Variants in NEFH observed in about 807,000 individuals in gnomAD.
NEFH encodes neurofilament heavy polypeptide.
A neutral mutation model predicts 56.6 loss-of-function variants in NEFH; 58 were observed. The observed-to-expected ratio is 1.03, with a 90% CI of 0.83 to 1.28. The LOEUF is 1.28. Among genes scored for constraint, NEFH ranks in the 50% most tolerant of loss-of-function variants. NEFH has a pLI of 0.00. For synonymous variants in NEFH, 542 were observed against 545.8 expected (o/e 0.99, Z 0.10); for missense variants, 1,221 against 1,307.6 (o/e 0.93, Z 1.02).
At position 29,489,476 on chromosome 22, in the gene NEFH, A is replaced by G. The variant is rs58554387; in HGVS notation, c.1836A>G (p.Ala612=). 1.3e-6 allele frequency: 2 copies of G among 1,598,758 alleles called. No individual in the cohort carries two copies. Among genetic ancestry groups the G allele is most frequent in the South Asian group, 2.2e-5 (2 of 90,064 alleles). ...CCAAGTCCCCAGTGAAGGAAGAAGCAAAGTCACCGGCTGAGGCCAAGTCCC... is the reference window on the plus strand; with the variant it reads ...CCAAGTCCCCAGTGAAGGAAGAAGCGAAGTCACCGGCTGAGGCCAAGTCCC... The part of the protein sequence containing the change: ...EKAKSPVKEE[A]KSPAEAKSPV... Residue 612 remains alanine (A), a synonymous_variant, in exon 4 of 4, where the codon GCA becomes GCG. Coordinates refer to ENST00000310624, the MANE Select transcript of NEFH (RefSeq NM_021076.4).
chr22:29,490,404 C>A lies in NEFH; in HGVS notation c.2764C>A (p.Pro922Thr). 3.1e-6 allele frequency: 5 copies of A among 1,611,720 alleles called. No homozygotes were observed. The highest frequency in any genetic ancestry group is 4.2e-6 in the Non-Finnish European group (5 of 1,179,488). Residue 922 changes from proline (P) to threonine (T), a missense_variant, in exon 4 of 4, where the codon CCC becomes ACC. Pro to Thr is a conservative substitution (Grantham distance 38). Around this residue, in one of 4 missense-constraint regions of NEFH, gnomAD observed 301 missense variants for 346.6 expected, o/e 0.87. Coordinates refer to ENST00000310624, the MANE Select transcript of NEFH (RefSeq NM_021076.4). ...GGTGGAGGTGAAGGAAGACGCTAAA[C>A]CCAAAGAAAAGACAGAGGTAGCCAA... ...AKVEVKEDAKPKEKTEVAKKE... is the reference protein window; with the variant it reads ...AKVEVKEDAKTKEKTEVAKKE...
rs779767043 is a variant in NEFH, at chr22:29,488,914, G to C, written c.1274G>C (p.Gly425Ala). ...CCAATTCCTTTCTCGCTTCCAGAAG[G>C]ACTCCCCAAAATTCCCTCTGTGTCC... is the stretch of plus-strand genomic sequence containing the variant. Reference protein sequence around the residue: ...FGPIPFSLPEGLPKIPSVSTH... With the variant: ...FGPIPFSLPEALPKIPSVSTH... Residue 425 changes from glycine to alanine, a missense_variant, in exon 4 of 4, where the codon GGA becomes GCA. Physicochemically the swap from Gly to Ala is moderately conservative, Grantham distance 60. Coordinates refer to ENST00000310624, the MANE Select transcript of NEFH (RefSeq NM_021076.4). The C allele has an allele frequency of 2.5e-6, 4 of 1,614,046 alleles. No homozygotes were observed. In the Admixed American group the frequency reaches 6.7e-5, roughly 27 times the overall value.
In NEFH at chr22:29,490,124, G is replaced by A. The variant is rs1181826024; in HGVS notation, c.2484G>A (p.Glu828=). 6.2e-7 allele frequency: 1 copy of A among 1,614,014 alleles called. No individual in the cohort carries two copies. Among genetic ancestry groups the A allele is most frequent in the Non-Finnish European group, 8.5e-7 (1 of 1,180,004 alleles). The change falls in exon 4 of 4, where the codon GAG becomes GAA. Residue 828 remains glutamate (E), a synonymous_variant. Transcript: ENST00000310624. ...EEVKSPVKEE[E]KPQEVKVKEP... Reference sequence around the variant, plus strand: ...TGAAGTCCCCAGTGAAGGAGGAGGAGAAGCCCCAGGAGGTGAAAGTCAAAG... The same window carrying A: ...TGAAGTCCCCAGTGAAGGAGGAGGAAAAGCCCCAGGAGGTGAAAGTCAAAG...
In NEFH at chr22:29,480,559, G is replaced by A. The variant is rs7287198; in HGVS notation, c.297G>A (p.Glu99=). 0.012 allele frequency: 18,372 copies of A among 1,542,440 alleles called. 1,802 individuals carry two copies. In the African/African-American group the frequency reaches 0.22, roughly 18 times the overall value. Residue 99 remains glutamate, a synonymous_variant, in exon 1 of 4, where the codon GAG becomes GAA. Transcript: ENST00000310624. ...TGGCCACCTCACGCAGTGAGAAGGA[G>A]CAGCTGCAGGCGCTGAACGACCGCT... ...VAVATSRSEK[E]QLQALNDRFA...
intron 1 of NEFH, among the ~76,000 whole-genome samples, chr22:29,482,105 C>T (rs2063014679): frequency 6.6e-6 from 1 of 152,192 alleles, no homozygotes; most frequent in Non-Finnish European, 1.5e-5. Context: ...AATCTCCAAC[C>T]ACCTGGATGG....
rs1230426496 is a variant in NEFH, at chr22:29,491,175, G to C, written c.*472G>C. 2 of 273,340 alleles carry C rather than the reference G, an allele frequency of 7.3e-6. No individual in the cohort carries two copies. Among genetic ancestry groups the C allele is most frequent in the South Asian group, 8.2e-5 (2 of 24,312 alleles). 16.9% of individuals were successfully genotyped at this position (273,340 alleles called of 1,614,324 possible). On this transcript the variant is annotated 3_prime_UTR_variant, in exon 4 of 4. Coordinates refer to ENST00000310624, the MANE Select transcript of NEFH (RefSeq NM_021076.4). ...TTGCCCAGAGCTCTCTATTCTGGAA[G>C]AGCGGTCCAGGTGGGGCCGGGGACT... is the stretch of plus-strand genomic sequence containing the variant.
intron 1 of NEFH, 113 bp from the exon 2 acceptor site, chr22:29,483,262 G>A (rs1176098439): frequency 7.9e-6 from 8 of 1,014,632 alleles, no homozygotes; most frequent in African/African-American, 1.6e-5. Flanking sequence ...CTGGGCGAGA[G>A]CGAGAATCCG....
At position 29,483,593 on chromosome 22, in the gene NEFH, G is replaced by A. The variant is rs748054775; in HGVS notation, c.1083+19G>A. On this transcript the variant is annotated intron_variant, in intron 2 of 3. Transcript: ENST00000310624. ...CTACCAGGTGGGCAGGGGCAAGGCA[G>A]ACAGCCAGACTGCCTTACCTGATTG... is the stretch of plus-strand genomic sequence containing the variant. 6.2e-7 allele frequency: 1 copy of A among 1,612,258 alleles called. No homozygotes were observed. Among genetic ancestry groups the A allele is most frequent in the Admixed American group, 1.7e-5 (1 of 59,976 alleles).
At chr22:29,487,975 T>C (rs1328928407) in intron 3 of NEFH, among the ~76,000 whole-genome samples, 1 of 152,168 alleles carries the variant, frequency 6.6e-6, no homozygotes, top group Non-Finnish European at 1.5e-5. Context: ...CTCTACCCTA[T>C]TCCTGAAACT....
Position 29,490,824 on chromosome 22 carries a change from G to C in NEFH, c.*121G>C. ...TTATGTAAGAAGAAACTGCTTAGATGACGGGGCCTCCTTCTTCAAACAGGA... is the reference window on the plus strand; with the variant it reads ...TTATGTAAGAAGAAACTGCTTAGATCACGGGGCCTCCTTCTTCAAACAGGA... On this transcript the variant is annotated 3_prime_UTR_variant, in exon 4 of 4. Coordinates refer to ENST00000310624, the MANE Select transcript of NEFH (RefSeq NM_021076.4). 1 of 1,528,622 alleles carries C rather than the reference G, an allele frequency of 6.5e-7. No individual in the cohort carries two copies. The highest frequency in any genetic ancestry group is 8.8e-7 in the Non-Finnish European group (1 of 1,134,424). 94.7% of individuals were successfully genotyped at this position (1,528,622 alleles called of 1,614,324 possible).
rs1361047594 is a variant in NEFH, at chr22:29,481,133, G to T, written c.871G>T (p.Glu291Ter). The change falls in exon 1 of 4, where the codon GAG (glutamate) becomes TAG (stop). Residue 291 changes from glutamate to a stop codon, truncating the protein, a stop_gained. Transcript: ENST00000310624. LOFTEE classifies it high-confidence loss of function. The stretch of plus-strand genomic sequence containing the variant: ...GGTGCAGAGCACGCTGCAGTCCGAG[G>T]AGTGGTTCCGAGGTACGCAGGCGCG... ...HAVQSTLQSE[E>*]WFRVRLDRLS... 1.4e-5 allele frequency: 21 copies of T among 1,532,116 alleles called. No individual in the cohort carries two copies. Among genetic ancestry groups the T allele is most frequent in the East Asian group, 4.9e-5 (2 of 40,820 alleles). 94.9% of individuals were successfully genotyped at this position (1,532,116 alleles called of 1,614,324 possible).
In NEFH at chr22:29,489,541, C is replaced by A; in HGVS notation, c.1901C>A (p.Ser634Tyr). The change falls in exon 4 of 4, where the codon TCC becomes TAC. Residue 634 changes from serine (S) to tyrosine (Y), a missense_variant. Transcript: ENST00000310624. ...EEAKSPAEVK[S>Y]PEKAKSPTKE... is the part of the protein sequence containing the mutation. ...GCAAAATCTCCAGCTGAGGTCAAGT[C>A]CCCGGAAAAGGCCAAGTCTCCAACG... 2 of 1,613,628 alleles carry A rather than the reference C, an allele frequency of 1.2e-6. No individual in the cohort carries two copies. Among genetic ancestry groups the A allele is most frequent in the Non-Finnish European group, 1.7e-6 (2 of 1,179,904 alleles).
At chr22:29,485,625 A>G (rs2063039701) in intron 2 of NEFH, 98 bp from the exon 3 acceptor site, 1 of 1,483,336 alleles carries the variant, frequency 6.7e-7, no homozygotes, top group Non-Finnish European at 9.1e-7. Context: ...GCCTGGCTGG[A>G]TGGGCCTGCT....
intron 1 of NEFH, 112 bp from the exon 2 acceptor site, chr22:29,483,263 C>G (rs1359134672): frequency 4.9e-6 from 5 of 1,018,538 alleles, no homozygotes; most frequent in Non-Finnish European, 5.8e-6. Context: ...TGGGCGAGAG[C>G]GAGAATCCGT....
chr22:29,489,187 C>T lies in NEFH; in HGVS notation c.1547C>T (p.Ala516Val). Residue 516 changes from alanine to valine, a missense_variant, in exon 4 of 4, where the codon GCC becomes GTC. Around this residue, in one of 4 missense-constraint regions of NEFH, gnomAD observed 243 missense variants for 299.1 expected, o/e 0.81. Transcript: ENST00000310624. ...GAGGCTGCATCCCCAGAGAAGGAAG[C>T]CAAGTCACCAGTAAAGGAAGAGGCA... ...AEEAASPEKE[A>V]KSPVKEEAKS... The T allele has an allele frequency of 6.2e-7, 1 of 1,614,026 alleles. No individual in the cohort carries two copies. Among genetic ancestry groups the T allele is most frequent in the Non-Finnish European group, 8.5e-7 (1 of 1,179,978 alleles).
In NEFH at chr22:29,480,344, C is replaced by A. The variant is rs1228579965; in HGVS notation, c.82C>A (p.Leu28Ile). Reference protein sequence around the residue: ...LHGGGSLHYALARKGGAGGTR... With the variant: ...LHGGGSLHYAIARKGGAGGTR... The stretch of plus-strand genomic sequence containing the variant: ...TGGCGGCGGCAGCCTCCACTACGCG[C>A]TAGCCCGAAAGGGTGGCGCAGGCGG... The change falls in exon 1 of 4, where the codon CTA (leucine) becomes ATA (isoleucine). Residue 28 changes from leucine (L) to isoleucine (I), a missense_variant. By Grantham distance (5) the Leu-to-Ile change is conservative. Coordinates refer to ENST00000310624, the MANE Select transcript of NEFH (RefSeq NM_021076.4). The A allele has an allele frequency of 3.3e-6, 5 of 1,529,858 alleles. No individual in the cohort carries two copies. The African/African-American group carries it at 5.6e-5, about 17-fold the overall frequency. The allele number at this position is 1,529,858 out of a possible 1,614,324, so 94.8% of individuals were successfully genotyped here.
chr22:29,490,146 A>G lies in NEFH; in HGVS notation c.2506A>G (p.Lys836Glu), dbSNP rs530800595. 6.2e-7 allele frequency: 1 copy of G among 1,613,880 alleles called. No homozygotes were observed. Among genetic ancestry groups the G allele is most frequent in the African/African-American group, 1.3e-5 (1 of 74,996 alleles). Residue 836 changes from lysine (K) to glutamate (E), a missense_variant, in exon 4 of 4, where the codon AAA becomes GAA. Around this residue, in one of 4 missense-constraint regions of NEFH, gnomAD observed 301 missense variants for 346.6 expected, o/e 0.87. Coordinates refer to ENST00000310624, the MANE Select transcript of NEFH (RefSeq NM_021076.4). The part of the protein sequence containing the change: ...EEEKPQEVKV[K>E]EPPKKAEEEK... The stretch of plus-strand genomic sequence containing the variant: ...GGAGAAGCCCCAGGAGGTGAAAGTC[A>G]AAGAGCCCCCAAAGAAGGCAGAGGA...
intron 2 of NEFH, 127 bp downstream of exon 2, chr22:29,483,701 C>CA: frequency 1.3e-6 from 1 of 798,642 alleles, no homozygotes. Flanking sequence ...GACATACCAG[C>CA]ACTTTCCAGC....
intron 1 of NEFH, 24 bp downstream of exon 1, chr22:29,481,169 G>GC: frequency 6.9e-7 from 1 of 1,458,980 alleles, no homozygotes; most frequent in Non-Finnish European, 9.3e-7. Flanking sequence ...CGGGTGGGGG[G>GC]AGGGGCGCCC....
Sources: gnomAD v4.1 joint callset for allele counts (sites outside exome capture counted in the v4.1 genomes callset) on GRCh38, gnomAD v4.1.1 for gene constraint, gnomAD v4.1.1 regional missense constraint, MANE v1.5 for transcripts, NCBI Gene and HGNC (gene_info 2026-07-23, HGNC 2026-07-21) for gene names.